The following FOXP2 variants were observed in gnomAD, a reference collection of about 807,000 sequenced individuals.
FOXP2 encodes forkhead box protein P2.
Under a neutral mutation model 115.8 loss-of-function variants are expected in FOXP2, and 12 were observed. The observed-to-expected ratio is 0.10, with a 90% CI of 0.07 to 0.17. The LOEUF (loss-of-function observed/expected upper bound fraction) is 0.17, where lower values mean the gene tolerates loss of function less well. Ranked by LOEUF, FOXP2 falls within the 10% of genes least tolerant of loss-of-function variation. The probability of loss-of-function intolerance (pLI) is 1.00; values close to 1 mark genes in which losing one functional copy is unlikely to be tolerated. For synonymous variants in FOXP2, 328 were observed against 297.7 expected (o/e 1.10, Z -1.05); for missense variants, 629 against 843.5 (o/e 0.75, Z 3.15).
chr7:114,171,967 G>C (rs772957911), intron 1 of FOXP2, among the ~76,000 whole-genome samples: 8 of 152,146 alleles, frequency 5.3e-5, no homozygotes, highest in Non-Finnish European at 1.0e-4. Context: ...AGATGTGGTA[G>C]AAATAGAAAG....
intron 1 of FOXP2, among the ~76,000 whole-genome samples, chr7:114,418,152 A>G (rs1793433080): frequency 6.6e-6 from 1 of 151,886 alleles, no homozygotes; most frequent in South Asian, 2.1e-4. Context: ...TTTCTTCTGG[A>G]AAGATTATTT....
intron 1 of FOXP2, among the ~76,000 whole-genome samples, chr7:114,269,023 T>C (rs1449157271): frequency 6.6e-6 from 1 of 152,192 alleles, no homozygotes; most frequent in Admixed American, 6.5e-5. Flanking sequence ...TAGCTGAATA[T>C]ATTATAAAGA....
Position 114,125,151 on chromosome 7 carries a change from A to G in FOXP2, c.-247+37313A>G, listed in dbSNP as rs544874920. Among the ~76,000 whole-genome samples the G allele has an allele frequency of 9.9e-5, 15 of 152,078 alleles. 1 individual carries two copies. The South Asian group carries it at 3.1e-3, about 32-fold the overall frequency. On this transcript the variant is annotated intron_variant, in intron 1 of 19. Transcript: ENST00000635638. ...CTTGTATGCCCCAGGATTTTATTTT[A>G]TTTTTTAACCACCTGTCACATCATC... is the stretch of plus-strand genomic sequence containing the variant.
chr7:114,197,778 ATGTT>A (rs1233983999), intron 1 of FOXP2, among the ~76,000 whole-genome samples: 1 of 152,142 alleles, frequency 6.6e-6, no homozygotes, highest in African/African-American at 2.4e-5. Context: ...TGTGTCATGA[ATGTT>A]TGGGAAATTC....
At chr7:114,285,782 T>G (rs1274825295) in intron 1 of FOXP2, among the ~76,000 whole-genome samples, 1 of 152,016 alleles carries the variant, frequency 6.6e-6, no homozygotes, top group Non-Finnish European at 1.5e-5. Flanking sequence ...TTCTGAACAT[T>G]TCCTTTTCAA....
intron 2 of FOXP2, among the ~76,000 whole-genome samples, chr7:114,408,341 C>T (rs1342147444): frequency 6.6e-6 from 1 of 151,732 alleles, no homozygotes. Flanking sequence ...TTTTCTAAAC[C>T]CTTGAAGTAT....
intron 2 of FOXP2, among the ~76,000 whole-genome samples, chr7:114,505,084 A>T (rs1274693887): frequency 6.6e-6 from 1 of 151,530 alleles, no homozygotes; most frequent in Admixed American, 6.6e-5. Flanking sequence ...CTGACTTCTC[A>T]TTTCTCCATT....
Position 114,692,675 on chromosome 7 carries a change from C to G in FOXP2, c.*2749C>G. The G allele has an allele frequency of 2.3e-6, 1 of 443,532 alleles. No homozygotes were observed. Among genetic ancestry groups the G allele is most frequent in the Admixed American group, 2.5e-5 (1 of 40,776 alleles). The allele number at this position is 443,532 out of a possible 1,614,324, so 27.5% of individuals were successfully genotyped here. Reference sequence around the variant, plus strand: ...TTATTGCTTGAACTTCTGTGCATACCTTATAAAGCATAATGTCTGACAATT... The same window carrying G: ...TTATTGCTTGAACTTCTGTGCATACGTTATAAAGCATAATGTCTGACAATT... On this transcript the variant is annotated 3_prime_UTR_variant, in exon 17 of 17. Transcript: ENST00000350908.
intron 2 of FOXP2, among the ~76,000 whole-genome samples, chr7:114,293,291 C>G (rs1402613244): frequency 1.3e-5 from 2 of 152,122 alleles, no homozygotes; most frequent in Non-Finnish European, 2.9e-5. Flanking sequence ...CTATCTCTCT[C>G]TGTTTCTGTC....
upstream of FOXP2, among the ~76,000 whole-genome samples, chr7:114,411,375 A>G (rs1333808697): frequency 1.3e-5 from 2 of 152,138 alleles, no homozygotes; most frequent in African/African-American, 4.8e-5. Flanking sequence ...CTCAAATCAG[A>G]CACACATTTG....
intron 1 of FOXP2, among the ~76,000 whole-genome samples, chr7:114,097,629 T>C (rs887372229): frequency 7.2e-5 from 11 of 152,194 alleles, no homozygotes; most frequent in Non-Finnish European, 1.5e-4. Context: ...TTTCTAAGAA[T>C]TTAATCTTGA....
chr7:114,525,260 C>T (rs773810506), intron 2 of FOXP2, among the ~76,000 whole-genome samples: 19 of 152,100 alleles, frequency 1.2e-4, no homozygotes, highest in Middle Eastern at 3.2e-3. Context: ...ACCCGAATTC[C>T]AAAAGTCTTC....
At chr7:114,262,804 T>C (rs186190691) in intron 1 of FOXP2, among the ~76,000 whole-genome samples, 3 of 152,336 alleles carry the variant, frequency 2.0e-5, no homozygotes, top group Non-Finnish European at 2.9e-5. Flanking sequence ...TTTTAACTTG[T>C]GGTCTTCTTT....
At chr7:114,684,601 G>T (rs1215677349) in intron 16 of FOXP2, among the ~76,000 whole-genome samples, 5 of 152,154 alleles carry the variant, frequency 3.3e-5, no homozygotes, top group Non-Finnish European at 7.4e-5. Flanking sequence ...TTAGAAAAAG[G>T]TGCTATTATA....
chr7:114,351,349 T>C (rs926639729), intron 2 of FOXP2, among the ~76,000 whole-genome samples: 1 of 152,146 alleles, frequency 6.6e-6, no homozygotes, highest in African/African-American at 2.4e-5. Context: ...TTAGTAACTA[T>C]GTTGCATATT....
intron 3 of FOXP2, among the ~76,000 whole-genome samples, chr7:114,581,846 C>A (rs1379845736): frequency 1.3e-5 from 2 of 152,172 alleles, no homozygotes; most frequent in Non-Finnish European, 2.9e-5. Context: ...TTATTAAAGA[C>A]TGAAATGTGG....
intron 1 of FOXP2, among the ~76,000 whole-genome samples, chr7:114,149,981 A>T (rs1792487868): frequency 6.6e-6 from 1 of 152,102 alleles, no homozygotes; most frequent in Non-Finnish European, 1.5e-5. Context: ...TTGAGGGATT[A>T]TATGAATACC....
At chr7:114,367,847 T>C (rs1231869508) in intron 2 of FOXP2, among the ~76,000 whole-genome samples, 1 of 152,224 alleles carries the variant, frequency 6.6e-6, no homozygotes, top group Non-Finnish European at 1.5e-5. Flanking sequence ...ATAAGCACTA[T>C]AATTCATTTT....
At position 114,567,080 on chromosome 7, in the gene FOXP2, A is replaced by C. The variant is rs554654254; in HGVS notation, c.258+32374A>C. Among the ~76,000 whole-genome samples the C allele has an allele frequency of 2.6e-5, 4 of 152,216 alleles. No homozygotes were observed. In the East Asian group the frequency reaches 7.7e-4, roughly 29 times the overall value. On this transcript the variant is annotated intron_variant, in intron 3 of 16. Coordinates refer to ENST00000350908, the MANE Select transcript of FOXP2 (RefSeq NM_014491.4). ...GGAGAGTCTTTAGTATGTATCATGAAGTCTACTGATAAGTTGAAGACAGAT... is the reference window on the plus strand; with the variant it reads ...GGAGAGTCTTTAGTATGTATCATGACGTCTACTGATAAGTTGAAGACAGAT...
Sources: allele counts gnomAD v4.1 joint callset (sites outside exome capture counted in the v4.1 genomes callset), GRCh38; gene constraint gnomAD v4.1.1; transcripts MANE v1.5; gene names NCBI Gene and HGNC (gene_info 2026-07-23, HGNC 2026-07-21).